The following PLXNB1 variants were observed in gnomAD, a reference collection of about 807,000 sequenced individuals.
The protein encoded by PLXNB1 is plexin B1.
In PLXNB1, 106 loss-of-function variants were observed where a neutral mutation model predicts 209.4. That is an observed-to-expected ratio of 0.51 (90% CI 0.43 to 0.59). PLXNB1 has a LOEUF of 0.59. Ranked by LOEUF, PLXNB1 falls within the 20% of genes least tolerant of loss-of-function variation. The probability of loss-of-function intolerance (pLI) is 0.00; values close to 1 mark genes in which losing one functional copy is unlikely to be tolerated. For synonymous variants in PLXNB1, 1,167 were observed against 1,183.2 expected (o/e 0.99, Z 0.28); for missense variants, 2,357 against 2,853.2 (o/e 0.83, Z 3.96).
chr3:48,409,626 C>T lies in PLXNB1; in HGVS notation c.5884G>A (p.Ala1962Thr). The part of the protein sequence containing the change: ...KYFFDLLDEQ[A>T]QQHGISDQDT... ...TGGTCGGAGATGCCATGCTGCTGGG[C>T]CTGCTCATCCAGCAGGTCAAAGAAG... The change falls in exon 33 of 38, where the codon GCC (alanine) becomes ACC (threonine). Residue 1962 changes from alanine (A) to threonine (T), a missense_variant. This residue lies in a region of PLXNB1 where 414 missense variants were observed against 520.5 expected (regional missense o/e 0.80). Coordinates refer to ENST00000296440, the MANE Select transcript of PLXNB1 (RefSeq NM_001130082.3). This position sits in a 1 kb window ranked among gnomAD's most constrained non-coding sequence, Gnocchi z 5.8. 1 of 1,614,034 alleles carries T rather than the reference C, an allele frequency of 6.2e-7. No homozygotes were observed. Among genetic ancestry groups the T allele is most frequent in the Non-Finnish European group, 8.5e-7 (1 of 1,179,992 alleles).
chr3:48,411,875 C>T lies in PLXNB1; in HGVS notation c.5235G>A (p.Glu1745=), dbSNP rs1298100670. 1.9e-6 allele frequency: 3 copies of T among 1,614,054 alleles called. No homozygotes were observed. Among genetic ancestry groups the T allele is most frequent in the East Asian group, 4.5e-5 (2 of 44,880 alleles). ...NDNRLLREDV[E]YRPLTLNALL... ...TGCACACCCTCACCAGGGGACGGTACTCCACATCCTCTCTGAGCAGGCGGT... is the reference window on the plus strand; with the variant it reads ...TGCACACCCTCACCAGGGGACGGTATTCCACATCCTCTCTGAGCAGGCGGT... Residue 1745 remains glutamate (E), a synonymous_variant, in exon 28 of 38, where the codon GAG becomes GAA. Coordinates refer to ENST00000296440, the MANE Select transcript of PLXNB1 (RefSeq NM_001130082.3). This position sits in a 1 kb window ranked among gnomAD's most constrained non-coding sequence, Gnocchi z 4.0.
In PLXNB1 at chr3:48,424,394, A is replaced by T. The variant is rs1485524568; in HGVS notation, c.218T>A (p.Val73Glu). The change falls in exon 3 of 38, where the codon GTG (valine) becomes GAG (glutamate). Residue 73 changes from valine (V) to glutamate (E), a missense_variant. Val to Glu is a moderately radical substitution (Grantham distance 121, BLOSUM62 -2). This residue lies in a region of PLXNB1 where 107 missense variants were observed against 167.2 expected (regional missense o/e 0.64). Transcript: ENST00000296440. ...QLEATVSTGP[V>E]LDSRDCLPPV... Reference sequence around the variant, plus strand: ...TGGCAGGCAGTCCCTGCTGTCTAGCACAGGGCCGGTGGACACTGTGGCCTC... The same window carrying T: ...TGGCAGGCAGTCCCTGCTGTCTAGCTCAGGGCCGGTGGACACTGTGGCCTC... 1.9e-6 allele frequency: 3 copies of T among 1,559,546 alleles called. No homozygotes were observed. The highest frequency in any genetic ancestry group is 2.6e-6 in the Non-Finnish European group (3 of 1,151,400).
At chr3:48,404,619 A>G in intron 37 of PLXNB1, 29 bp from the exon 38 acceptor site, 1 of 1,502,300 alleles carries the variant, frequency 6.7e-7, no homozygotes, top group South Asian at 1.2e-5. Context: ...CCATCAGGGG[A>G]GACTTCTTTG....
In PLXNB1 at chr3:48,420,769, G is replaced by C; in HGVS notation, c.1924C>G (p.Gln642Glu). 1.2e-6 allele frequency: 2 copies of C among 1,614,042 alleles called. No individual in the cohort carries two copies. Among genetic ancestry groups the C allele is most frequent in the Non-Finnish European group, 1.7e-6 (2 of 1,179,950 alleles). ...VTELRPSAQC[Q>E]ACVSSRWGCN... is the part of the protein sequence containing the mutation. ...CCCCAGCGGCTGCTCACACAGGCCT[G>C]GCACCTGCACAGAGCACAGCCATGG... Residue 642 changes from glutamine (Q) to glutamate (E), a missense_variant, in exon 10 of 38, where the codon CAG becomes GAG. By Grantham distance (29) the Gln-to-Glu change is conservative (BLOSUM62 2). Around this residue, in one of 7 missense-constraint regions of PLXNB1, gnomAD observed 214 missense variants for 297.1 expected, o/e 0.72. Transcript: ENST00000296440.
At position 48,409,076 on chromosome 3, in the gene PLXNB1, C is replaced by T. The variant is rs1351659245; in HGVS notation, c.6087+253G>A. Among the ~76,000 whole-genome samples, 1 of 152,228 alleles carries T rather than the reference C, an allele frequency of 6.6e-6. No homozygotes were observed. Among genetic ancestry groups the T allele is most frequent in the Non-Finnish European group, 1.5e-5 (1 of 68,038 alleles). ...GGCCCTGGCCTACTGCCACGCCTGGCCAGCATTCTATGCCCCAGCCACACC... is the reference window on the plus strand; with the variant it reads ...GGCCCTGGCCTACTGCCACGCCTGGTCAGCATTCTATGCCCCAGCCACACC... On this transcript the variant is annotated intron_variant, in intron 34 of 37. Transcript: ENST00000296440. The surrounding 1 kb of genome is among the most constrained non-coding windows in gnomAD (Gnocchi z 5.8).
intron 10 of PLXNB1, 151 bp downstream of exon 10, chr3:48,420,514 G>A (rs1443427695): frequency 4.4e-6 from 3 of 681,612 alleles, no homozygotes; most frequent in Non-Finnish European, 7.7e-6. Flanking sequence ...GGATGTATCG[G>A]CGGCTGTTCT....
At chr3:48,423,474 G>C in intron 3 of PLXNB1, 31 bp downstream of exon 3, 2 of 1,595,918 alleles carry the variant, frequency 1.3e-6, no homozygotes, top group South Asian at 2.3e-5. Context: ...GCCTCAGAGA[G>C]GCGGAAAAGT....
chr3:48,421,569 G>C, intron 7 of PLXNB1, 105 bp downstream of exon 7: 1 of 1,245,910 alleles, frequency 8.0e-7, no homozygotes, highest in Non-Finnish European at 1.1e-6. Flanking sequence ...ACTTGTGTGA[G>C]GCCATGTGGT....
rs2107066356 is a variant in PLXNB1, at chr3:48,429,361, T to A, written c.-60+647A>T. 1 of 151,206 alleles carries A rather than the reference T, an allele frequency of 6.6e-6. No individual in the cohort carries two copies. Among genetic ancestry groups the A allele is most frequent in the African/African-American group, 2.4e-5 (1 of 41,384 alleles). 9.4% of individuals were successfully genotyped at this position (151,206 alleles called of 1,614,324 possible). A position where few individuals can be genotyped will look rare whatever the true frequency, so the allele number is the denominator to read the frequency against. On this transcript the variant is annotated intron_variant, in intron 1 of 37. Transcript: ENST00000296440. The surrounding 1 kb of genome is among the most constrained non-coding windows in gnomAD (Gnocchi z 6.4). ...CCCGGGTCTGGCGGAGCCGCAGCTGTTACCCGGAGACCGAGGGGCGGAAAA... is the reference window on the plus strand; with the variant it reads ...CCCGGGTCTGGCGGAGCCGCAGCTGATACCCGGAGACCGAGGGGCGGAAAA...
rs1367300080 is a variant in PLXNB1, at chr3:48,417,829, G to GT, written c.3374+81dup. ...AGGGAGAGAGGGGGGCAGATGAGCG[G>GT]TGGGTGGGAGGCCCCAAGCAGCAAC... On this transcript the variant is annotated intron_variant, in intron 16 of 37. Coordinates refer to ENST00000296440, the MANE Select transcript of PLXNB1 (RefSeq NM_001130082.3). The surrounding 1 kb of genome is among the most constrained non-coding windows in gnomAD (Gnocchi z 4.4). The GT allele has an allele frequency of 2.1e-6, 3 of 1,409,734 alleles. No homozygotes were observed. The highest frequency in any genetic ancestry group is 2.0e-5 in the Admixed American group (1 of 50,752). The allele number at this position is 1,409,734 out of a possible 1,614,324, so 87.3% of individuals were successfully genotyped here. A position where few individuals can be genotyped will look rare whatever the true frequency, so the allele number is the denominator to read the frequency against.
chr3:48,414,887 T>C lies in PLXNB1; in HGVS notation c.4121A>G (p.Tyr1374Cys). 6.2e-7 allele frequency: 1 copy of C among 1,613,870 alleles called. No individual in the cohort carries two copies. The change falls in exon 21 of 38, where the codon TAT becomes TGT. Residue 1374 changes from tyrosine (Y) to cysteine (C), a missense_variant. Around this residue, in one of 7 missense-constraint regions of PLXNB1, gnomAD observed 743 missense variants for 896.2 expected, o/e 0.83. Coordinates refer to ENST00000296440, the MANE Select transcript of PLXNB1 (RefSeq NM_001130082.3). ...TGGCTGCAGGGTGGGGTCGGCCTCA[T>C]AGGAGAAAGGTGTGGGGTTCAGTGT... Reference protein sequence around the residue: ...FATLNPTPFSYEADPTLQPLN... With the variant: ...FATLNPTPFSCEADPTLQPLN...
intron 4 of PLXNB1, 115 bp downstream of exon 4, chr3:48,422,650 T>A (rs2106946986): frequency 1.2e-5 from 15 of 1,273,228 alleles, no homozygotes; most frequent in Non-Finnish European, 1.6e-5. Flanking sequence ...GGAGAGGAGC[T>A]CAGGTCATCT....
intron 6 of PLXNB1, 132 bp downstream of exon 6, chr3:48,421,973 G>T: frequency 1.5e-6 from 2 of 1,305,284 alleles, no homozygotes; most frequent in Non-Finnish European, 2.1e-6. Flanking sequence ...AGAGGATGGG[G>T]GTGAGGAATT....
In PLXNB1 at chr3:48,409,533, C is replaced by T. The variant is rs768373436; in HGVS notation, c.5939+38G>A. ...TGCTGGGGAGGCAGAAGAGAAGACC[C>T]CCCACACACACCTAGAGCCCACCCA... On this transcript the variant is annotated intron_variant, in intron 33 of 37. Coordinates refer to ENST00000296440, the MANE Select transcript of PLXNB1 (RefSeq NM_001130082.3). The surrounding 1 kb of genome is among the most constrained non-coding windows in gnomAD (Gnocchi z 5.8). The T allele has an allele frequency of 6.2e-7, 1 of 1,613,880 alleles. No individual in the cohort carries two copies. Among genetic ancestry groups the T allele is most frequent in the Non-Finnish European group, 8.5e-7 (1 of 1,179,860 alleles).
At chr3:48,428,720 G>A (rs1026202908) in intron 1 of PLXNB1, among the ~76,000 whole-genome samples, 9 of 152,010 alleles carry the variant, frequency 5.9e-5, no homozygotes, top group African/African-American at 1.4e-4. Context: ...GTTGAGGAGG[G>A]GTGGGGAGAT....
At position 48,409,574 on chromosome 3, in the gene PLXNB1, T is replaced by G. The variant is rs761079529; in HGVS notation, c.5936A>C (p.Asn1979Thr). Residue 1979 changes from asparagine to threonine, a missense_variant, in exon 33 of 38, where the codon AAC (asparagine) becomes ACC (threonine). This residue lies in a region of PLXNB1 where 414 missense variants were observed against 520.5 expected (regional missense o/e 0.80). Coordinates refer to ENST00000296440, the MANE Select transcript of PLXNB1 (RefSeq NM_001130082.3). The surrounding 1 kb of genome is among the most constrained non-coding windows in gnomAD (Gnocchi z 5.8). Reference sequence around the variant, plus strand: ...AGCCCACCCAGCTCCACCCCACCTGTTGGTCTTCCAGATGTGGATGGTGTC... The same window carrying G: ...AGCCCACCCAGCTCCACCCCACCTGGTGGTCTTCCAGATGTGGATGGTGTC... ...DQDTIHIWKTNSLPLRFWINI... is the reference protein window; with the variant it reads ...DQDTIHIWKTTSLPLRFWINI... 6.2e-7 allele frequency: 1 copy of G among 1,613,200 alleles called. No homozygotes were observed. The highest frequency in any genetic ancestry group is 8.5e-7 in the Non-Finnish European group (1 of 1,179,626).
At chr3:48,423,446 G>A (rs2038665210) in intron 3 of PLXNB1, 59 bp downstream of exon 3, 3 of 1,568,060 alleles carry the variant, frequency 1.9e-6, no homozygotes, top group Admixed American at 3.4e-5. Flanking sequence ...CTCCTTGGCT[G>A]CAAATGCTTG....
In PLXNB1 at chr3:48,407,080, G is replaced by C; in HGVS notation, c.6099C>G (p.Ile2033Met). The change falls in exon 35 of 38, where the codon ATC becomes ATG. Residue 2033 changes from isoleucine (I) to methionine (M), a missense_variant. Around this residue, in one of 7 missense-constraint regions of PLXNB1, gnomAD observed 414 missense variants for 520.5 expected, o/e 0.80. Coordinates refer to ENST00000296440, the MANE Select transcript of PLXNB1 (RefSeq NM_001130082.3). ...TGTCCCGTGCATACAGAAGTTTGTT[G>C]ATCGGGGAGTCCTGGACATAGCAGG... ...ADHKLGRDSP[I>M]NKLLYARDIP... 1 of 1,614,048 alleles carries C rather than the reference G, an allele frequency of 6.2e-7. No homozygotes were observed. Among genetic ancestry groups the C allele is most frequent in the Non-Finnish European group, 8.5e-7 (1 of 1,179,960 alleles).
At position 48,414,895 on chromosome 3, in the gene PLXNB1, A is replaced by G; in HGVS notation, c.4113T>C (p.Pro1371=). 6.2e-7 allele frequency: 1 copy of G among 1,614,040 alleles called. No homozygotes were observed. Among genetic ancestry groups the G allele is most frequent in the Non-Finnish European group, 8.5e-7 (1 of 1,180,034 alleles). The change falls in exon 21 of 38, where the codon CCT becomes CCC. Residue 1371 remains proline (P), a synonymous_variant. Transcript: ENST00000296440. The part of the protein sequence containing the change: ...VFDFATLNPT[P]FSYEADPTLQ... ...GGGTGGGGTCGGCCTCATAGGAGAA[A>G]GGTGTGGGGTTCAGTGTTGCAAAGT...
Sources: gnomAD v4.1 joint callset for allele counts (sites outside exome capture counted in the v4.1 genomes callset) on GRCh38, gnomAD v4.1.1 for gene constraint, gnomAD v4.1.1 regional missense constraint, Gnocchi (gnomAD v3.1) non-coding constraint, MANE v1.5 for transcripts, NCBI Gene and HGNC (gene_info 2026-07-23, HGNC 2026-07-21) for gene names.